Variants in TUSC3 observed in about 807,000 individuals in gnomAD.
TUSC3 encodes the protein dolichyl-diphosphooligosaccharide--protein glycosyltransferase subunit TUSC3.
A neutral mutation model predicts 44.8 loss-of-function variants in TUSC3; 45 were observed. The ratio of observed to expected loss-of-function variants is 1.00; its 90% CI spans 0.79 to 1.29. TUSC3 has a LOEUF of 1.29. Among genes scored for constraint, TUSC3 ranks in the 50% most tolerant of loss-of-function variants. The pLI is 0.00. For missense variants in TUSC3, 519 were observed against 437.9 expected (o/e 1.19, Z -1.65); for synonymous variants, 212 against 152.9 (o/e 1.39, Z -2.85).
Position 15,543,979 on chromosome 8 carries a change from G to A in TUSC3, c.138+3411G>A, listed in dbSNP as rs114152759. Among the ~76,000 whole-genome samples, 429 of 151,936 alleles carry A rather than the reference G, an allele frequency of 2.8e-3. 2 individuals are homozygous for A. The highest frequency in any genetic ancestry group is 0.01 in the African/African-American group (419 of 41,478). On this transcript the variant is annotated intron_variant, in intron 1 of 10. Transcript: ENST00000503731. ...TGTACACATACACATATGCTTCTTC[G>A]TGAAGACATTTTCATTCATTAAAAA...
At chr8:15,720,809 G>A (rs145261775) in intron 6 of TUSC3, among the ~76,000 whole-genome samples, 25 of 152,172 alleles carry the variant, frequency 1.6e-4, no homozygotes, top group Non-Finnish European at 2.5e-4. Flanking sequence ...CTTATATTGC[G>A]ATTGAGGCAG....
chr8:15,690,473 T>A (rs1383418870), intron 6 of TUSC3, among the ~76,000 whole-genome samples: 5 of 152,210 alleles, frequency 3.3e-5, no homozygotes, highest in Non-Finnish European at 7.3e-5. Flanking sequence ...TGTTGATAAC[T>A]TCTTCTGGTG....
intron 9 of TUSC3, chr8:15,748,873 A>C (rs1265286564): frequency 5.0e-6 from 2 of 396,524 alleles, no homozygotes; most frequent in Non-Finnish European, 9.8e-6. Context: ...AACTTTTCAA[A>C]ATAAGAGCCA....
intron 6 of TUSC3, chr8:15,689,411 CTTG>C (rs142214613): frequency 0.027 from 5,425 of 203,248 alleles, 140 homozygotes; most frequent in Non-Finnish European, 0.036. Context: ...CGAAGGCGAC[CTTG>C]TTGTTCTTGA....
intron 6 of TUSC3, among the ~76,000 whole-genome samples, chr8:15,706,678 A>G (rs1375578442): frequency 6.6e-6 from 1 of 152,048 alleles, no homozygotes; most frequent in Non-Finnish European, 1.5e-5. Flanking sequence ...ACGAATAAAT[A>G]TTTCATAACT....
chr8:15,638,606 C>G (rs1440939473), intron 2 of TUSC3, among the ~76,000 whole-genome samples: 2 of 145,754 alleles, frequency 1.4e-5, no homozygotes, highest in African/African-American at 5.1e-5. Context: ...TCACTGCAAC[C>G]TCTCCGCCTC....
In TUSC3 at chr8:15,551,497, G is replaced by A. The variant is rs146852344; in HGVS notation, c.138+10929G>A. On this transcript the variant is annotated intron_variant, in intron 1 of 10. Coordinates refer to ENST00000503731, the MANE Select transcript of TUSC3 (RefSeq NM_006765.4). Reference sequence around the variant, plus strand: ...TGGGGGGTAACAAAAACTAATTGTGGCTGAGCTGTGTAAGTTCTTTTATTT... The same window carrying A: ...TGGGGGGTAACAAAAACTAATTGTGACTGAGCTGTGTAAGTTCTTTTATTT... Among the ~76,000 whole-genome samples the A allele has an allele frequency of 1.8e-3, 269 of 151,720 alleles. 1 individual carries two copies. The highest frequency in any genetic ancestry group is 6.3e-3 in the African/African-American group (260 of 41,496).
At chr8:15,561,259 T>G (rs1248700650) in intron 1 of TUSC3, among the ~76,000 whole-genome samples, 7 of 146,748 alleles carry the variant, frequency 4.8e-5, no homozygotes, top group Non-Finnish European at 1.1e-4. Context: ...TGGAATACCC[T>G]GCAGTGTGAG....
At chr8:15,463,583 C>G (rs566445567) in intron 1 of TUSC3, among the ~76,000 whole-genome samples, 2 of 152,130 alleles carry the variant, frequency 1.3e-5, no homozygotes, top group Admixed American at 6.5e-5. Context: ...TCTAGTGGCT[C>G]TTCATATTGT....
intron 2 of TUSC3, among the ~76,000 whole-genome samples, chr8:15,649,791 C>T (rs1585192670): frequency 6.6e-6 from 1 of 152,088 alleles, no homozygotes; most frequent in Admixed American, 6.5e-5. Flanking sequence ...CTGCTGCTGA[C>T]TCTGCTCCAA....
chr8:15,658,781 AT>A (rs1166504899), intron 3 of TUSC3, among the ~76,000 whole-genome samples: 1 of 151,992 alleles, frequency 6.6e-6, no homozygotes, highest in Admixed American at 6.6e-5. Context: ...GTTTTTAGAT[AT>A]TGTTAAATAA....
chr8:15,538,685 T>G (rs1382813882), upstream of TUSC3, among the ~76,000 whole-genome samples: 1 of 152,176 alleles, frequency 6.6e-6, no homozygotes, highest in African/African-American at 2.4e-5. Flanking sequence ...CACAACAGTT[T>G]CGTTTCTTTG....
intron 6 of TUSC3, among the ~76,000 whole-genome samples, chr8:15,684,972 C>T (rs974622353): frequency 1.3e-5 from 2 of 152,180 alleles, no homozygotes; most frequent in Non-Finnish European, 2.9e-5. Flanking sequence ...GGATCAGATG[C>T]ACCCCAGTCC....
At chr8:15,782,504 G>A in the TUSC3 span, among the ~76,000 whole-genome samples, 23 of 152,076 alleles carry the variant, frequency 1.5e-4, no homozygotes, top group Admixed American at 2.6e-4. Flanking sequence ...TACTAGCAAA[G>A]TGAATATACT....
intron 1 of TUSC3, among the ~76,000 whole-genome samples, chr8:15,561,864 G>C (rs1043667031): frequency 9.9e-5 from 15 of 152,054 alleles, no homozygotes; most frequent in East Asian, 7.8e-4. Context: ...TGTTTCGGCT[G>C]GCGCACGGTG....
At chr8:15,804,839 T>C in the TUSC3 span, among the ~76,000 whole-genome samples, 1 of 152,186 alleles carries the variant, frequency 6.6e-6, no homozygotes, top group African/African-American at 2.4e-5. Flanking sequence ...AATTTTGAAC[T>C]AGTTTTTTTT....
intron 1 of TUSC3, among the ~76,000 whole-genome samples, chr8:15,607,549 AAC>A (rs1167831707): frequency 3.3e-5 from 5 of 152,192 alleles, no homozygotes; most frequent in South Asian, 2.1e-4. Flanking sequence ...CTTCTCCTCT[AAC>A]ATTTCATTAT....
intron 2 of TUSC3, among the ~76,000 whole-genome samples, chr8:15,632,980 G>A (rs1025214341): frequency 3.9e-5 from 6 of 152,098 alleles, no homozygotes; most frequent in African/African-American, 7.2e-5. Flanking sequence ...GTTCCTCTTC[G>A]TAGGAAATGA....
intron 1 of TUSC3, among the ~76,000 whole-genome samples, chr8:15,616,060 A>G (rs1185210961): frequency 2.0e-5 from 3 of 152,176 alleles, no homozygotes; most frequent in Non-Finnish European, 4.4e-5. Context: ...TGGTGTAGGA[A>G]TAAGTTCTAA....
Sources: gnomAD v4.1 joint callset for allele counts (sites outside exome capture counted in the v4.1 genomes callset) on GRCh38, gnomAD v4.1.1 for gene constraint, MANE v1.5 for transcripts, NCBI Gene and HGNC (gene_info 2026-07-23, HGNC 2026-07-21) for gene names.